EEA1: variants seen among roughly 807,000 people sequenced by gnomAD.
EEA1 encodes early endosome antigen 1, also known as early endosome antigen 1, 162kD.
A neutral mutation model predicts 209.2 loss-of-function variants in EEA1; 111 were observed. That is an observed-to-expected ratio of 0.53 (90% confidence interval 0.45 to 0.62). The LOEUF is 0.62. Ranked by LOEUF, EEA1 falls within the 20% of genes least tolerant of loss-of-function variation. The pLI is 0.00. For missense variants in EEA1, 1,343 were observed against 1,530.8 expected (o/e 0.88, Z 2.05); for synonymous variants, 536 against 540.6 (o/e 0.99, Z 0.12).
intron 18 of EEA1, among the ~76,000 whole-genome samples, chr12:92,804,746 T>C (rs1875111965): frequency 6.6e-6 from 1 of 151,906 alleles, no homozygotes. Context: ...AGGGAAACAT[T>C]GGGTGTATAA....
chr12:92,812,327 A>T (rs945531768), intron 16 of EEA1, among the ~76,000 whole-genome samples: 8 of 151,782 alleles, frequency 5.3e-5, no homozygotes, highest in African/African-American at 1.9e-4. Flanking sequence ...AAAAAACTCC[A>T]TCTAAAAAAA....
chr12:92,897,240 G>A (rs1214491584), intron 1 of EEA1, among the ~76,000 whole-genome samples: 1 of 152,164 alleles, frequency 6.6e-6, no homozygotes, highest in Non-Finnish European at 1.5e-5. Context: ...ATGGGAAATT[G>A]GCTATCCACA....
intron 2 of EEA1, among the ~76,000 whole-genome samples, chr12:92,878,953 G>C (rs1042459288): frequency 4.6e-5 from 7 of 152,086 alleles, no homozygotes; most frequent in Non-Finnish European, 8.8e-5. Flanking sequence ...CAAAAAGAAA[G>C]CTCCAAGCCC....
At chr12:92,914,273 A>G (rs1297129011) in intron 1 of EEA1, among the ~76,000 whole-genome samples, 1 of 151,902 alleles carries the variant, frequency 6.6e-6, no homozygotes, top group African/African-American at 2.4e-5. Flanking sequence ...ATTTTTGTCA[A>G]CTTCATCGAA....
Position 92,868,443 on chromosome 12 carries a change from A to T in EEA1, c.118-3456T>A, listed in dbSNP as rs183023819. On this transcript the variant is annotated intron_variant, in intron 2 of 28. Coordinates refer to ENST00000322349, the MANE Select transcript of EEA1 (RefSeq NM_003566.4). ...AAAAAGTGTTCCTCGGAGAAGCTAC[A>T]TCCCTATTACACGATTTAATCTTCA... Among the ~76,000 whole-genome samples, 42 of 152,340 alleles carry T rather than the reference A, an allele frequency of 2.8e-4. No homozygotes were observed. The East Asian group carries it at 6.9e-3, about 25-fold the overall frequency.
chr12:92,883,803 C>T (rs1234200604), intron 2 of EEA1: 3 of 1,577,348 alleles, frequency 1.9e-6, no homozygotes, highest in South Asian at 1.1e-5. Flanking sequence ...CTAAAGAGCC[C>T]GAACAGCTGA....
intron 1 of EEA1, among the ~76,000 whole-genome samples, chr12:92,922,869 A>T (rs943343352): frequency 4.6e-5 from 7 of 151,318 alleles, no homozygotes; most frequent in African/African-American, 1.7e-4. Context: ...GAGGCAGGAG[A>T]ATTGCTTGAA....
intron 11 of EEA1, among the ~76,000 whole-genome samples, chr12:92,830,066 C>T (rs562783131): frequency 1.1e-4 from 17 of 151,914 alleles, no homozygotes; most frequent in African/African-American, 3.9e-4. Context: ...GGTTACTATA[C>T]GGGCAATGGG....
chr12:92,813,969 C>T (rs1247486785), intron 15 of EEA1, among the ~76,000 whole-genome samples: 2 of 151,714 alleles, frequency 1.3e-5, no homozygotes, highest in Middle Eastern at 3.2e-3. Flanking sequence ...GCTGAGATCG[C>T]GCCACTGCAC....
intron 14 of EEA1, 35 bp downstream of exon 14, chr12:92,819,273 A>G (rs1398668887): frequency 3.3e-6 from 5 of 1,508,600 alleles, no homozygotes; most frequent in African/African-American, 1.4e-5. Context: ...AGACAGAAGT[A>G]AATTTTACAA....
At position 92,798,832 on chromosome 12, in the gene EEA1, T is replaced by A. The variant is rs564525745; in HGVS notation, c.2967+60A>T. 25 of 1,317,060 alleles carry A rather than the reference T, an allele frequency of 1.9e-5. No individual in the cohort carries two copies. In the South Asian group the frequency reaches 3.8e-4, roughly 20 times the overall value. The allele number at this position is 1,317,060 out of a possible 1,614,324, so 81.6% of individuals were successfully genotyped here. On this transcript the variant is annotated intron_variant, in intron 21 of 28. Transcript: ENST00000322349. ...ACTTATCCATCTGTATTAATCATCATACTATTTTCTTAATTGCCAAGTTTT... is the reference window on the plus strand; with the variant it reads ...ACTTATCCATCTGTATTAATCATCAAACTATTTTCTTAATTGCCAAGTTTT...
At chr12:92,839,634 T>C (rs1877081152) in intron 10 of EEA1, among the ~76,000 whole-genome samples, 1 of 152,194 alleles carries the variant, frequency 6.6e-6, no homozygotes. Context: ...TTTTAGAAAA[T>C]GGTCATTTTT....
chr12:92,927,409 T>C (rs1486657629), intron 1 of EEA1, among the ~76,000 whole-genome samples: 1 of 152,240 alleles, frequency 6.6e-6, no homozygotes, highest in Non-Finnish European at 1.5e-5. Flanking sequence ...AATTTCACTT[T>C]TGTAGTTTCA....
chr12:92,904,848 T>C (rs1403716772), intron 1 of EEA1, among the ~76,000 whole-genome samples: 1 of 152,210 alleles, frequency 6.6e-6, no homozygotes, highest in African/African-American at 2.4e-5. Context: ...TCCCAGCACA[T>C]GAATGCATTC....
intron 22 of EEA1, among the ~76,000 whole-genome samples, chr12:92,785,982 T>C (rs1400407687): frequency 1.3e-5 from 2 of 152,226 alleles, no homozygotes; most frequent in Non-Finnish European, 2.9e-5. Context: ...TTAACATTGA[T>C]TAATTTAATG....
intron 10 of EEA1, among the ~76,000 whole-genome samples, chr12:92,835,978 T>C (rs907400355): frequency 2.0e-5 from 3 of 152,230 alleles, no homozygotes; most frequent in African/African-American, 7.2e-5. Flanking sequence ...CCATGGAATC[T>C]GAAGCAAAAT....
chr12:92,796,445 T>C (rs148327955), intron 21 of EEA1, among the ~76,000 whole-genome samples: 2,823 of 148,006 alleles, frequency 0.019, 95 homozygotes, highest in African/African-American at 0.064. Flanking sequence ...TTTTTAATGC[T>C]GTAGTATTAC....
In EEA1 at chr12:92,779,156, C is replaced by T; in HGVS notation, c.3613G>A (p.Glu1205Lys). The T allele has an allele frequency of 6.2e-7, 1 of 1,608,796 alleles. No individual in the cohort carries two copies. The highest frequency in any genetic ancestry group is 2.2e-5 in the East Asian group (1 of 44,768). The part of the protein sequence containing the change: ...ILKDQVKKEE[E>K]ELKKEFIEKE... Reference sequence around the variant, plus strand: ...TCAATAAATTCTTTCTTCAGCTCCTCTTCTTCCTTTTTCACCTGGTCTTTT... The same window carrying T: ...TCAATAAATTCTTTCTTCAGCTCCTTTTCTTCCTTTTTCACCTGGTCTTTT... The change falls in exon 25 of 29, where the codon GAG becomes AAG. Residue 1205 changes from glutamate (E) to lysine (K), a missense_variant. Around this residue, in one of 3 missense-constraint regions of EEA1, gnomAD observed 1,307 missense variants for 1,465.5 expected, o/e 0.89. Coordinates refer to ENST00000322349, the MANE Select transcript of EEA1 (RefSeq NM_003566.4).
Position 92,770,664 on chromosome 12 carries a change from C to T in EEA1, c.*5347G>A, listed in dbSNP as rs1056870547. On this transcript the variant is annotated 3_prime_UTR_variant, in exon 29 of 29. Coordinates refer to ENST00000322349, the MANE Select transcript of EEA1 (RefSeq NM_003566.4). ...TCCTACCTCAAACATAATGATAAAT[C>T]TTTAGATACAAAGCTTGATTGTTCT... The T allele has an allele frequency of 6.6e-6, 1 of 152,614 alleles. No homozygotes were observed. Among genetic ancestry groups the T allele is most frequent in the Non-Finnish European group, 1.5e-5 (1 of 68,394 alleles). 9.5% of individuals were successfully genotyped at this position (152,614 alleles called of 1,614,324 possible). A position where few individuals can be genotyped will look rare whatever the true frequency, so the allele number is the denominator to read the frequency against.
Sources: gnomAD v4.1 joint callset for allele counts (sites outside exome capture counted in the v4.1 genomes callset) on GRCh38, gnomAD v4.1.1 for gene constraint, gnomAD v4.1.1 regional missense constraint, MANE v1.5 for transcripts, NCBI Gene and HGNC (gene_info 2026-07-23, HGNC 2026-07-21) for gene names.